Variants in MAP6 observed in about 807,000 individuals in gnomAD.
MAP6 encodes the protein microtubule-associated protein 6.
In MAP6, 26 loss-of-function variants were observed where a neutral mutation model predicts 42.4. The observed-to-expected ratio is 0.61, with a 90% confidence interval of 0.45 to 0.85. The LOEUF (loss-of-function observed/expected upper bound fraction) is 0.85. MAP6 is among the 40% of genes least tolerant of loss of function. The probability of loss-of-function intolerance (pLI) is 0.00; values close to 1 mark genes in which losing one functional copy is unlikely to be tolerated. For missense variants in MAP6, 966 were observed against 1,099.0 expected (o/e 0.88, Z 1.71); for synonymous variants, 418 against 443.8 (o/e 0.94, Z 0.73).
chr11:75,638,576 C>G (rs1037704502), intron 1 of MAP6: 5 of 152,090 alleles, frequency 3.3e-5, no homozygotes, highest in Non-Finnish European at 7.4e-5. Flanking sequence ...ATGCTCTTTT[C>G]AAAAATATCT....
intron 1 of MAP6, among the ~76,000 whole-genome samples, chr11:75,658,317 C>A (rs1012636610): frequency 2.1e-4 from 32 of 152,124 alleles, no homozygotes; most frequent in African/African-American, 7.5e-4. Context: ...CCGAACATCT[C>A]CATGTAGACC....
In MAP6 at chr11:75,639,094, A is replaced by G. The variant is rs117850462; in HGVS notation, c.905+28371T>C. Among the ~76,000 whole-genome samples the G allele has an allele frequency of 6.9e-4, 105 of 152,322 alleles. 1 individual carries two copies. The East Asian group carries it at 0.018, about 26-fold the overall frequency. ...CTCACTTGTAAGTGGGAGCTAAATA[A>G]TGTGTACACATGGACACAGAGAGTG... On this transcript the variant is annotated intron_variant, in intron 1 of 3. Coordinates refer to ENST00000304771, the MANE Select transcript of MAP6 (RefSeq NM_033063.2).
rs779429473 is a variant in MAP6, at chr11:75,587,433, G to A, written c.2068C>T (p.His690Tyr). The A allele has an allele frequency of 6.2e-7, 1 of 1,613,988 alleles. No homozygotes were observed. Among genetic ancestry groups the A allele is most frequent in the African/African-American group, 1.3e-5 (1 of 74,904 alleles). The change falls in exon 4 of 4, where the codon CAT becomes TAT. Residue 690 changes from histidine (H) to tyrosine (Y), a missense_variant. Around this residue, in one of 2 missense-constraint regions of MAP6, gnomAD observed 943 missense variants for 1,049.9 expected, o/e 0.90. Coordinates refer to ENST00000304771, the MANE Select transcript of MAP6 (RefSeq NM_033063.2). ...VKDQDVVVPE[H>Y]AKVHDSAVVA... ...ACTGCAGAATCGTGAACCTTTGCAT[G>A]CTCTGGGACTACAACATCTTGATCC...
chr11:75,603,921 A>G, intron 3 of MAP6: 3 of 985,608 alleles, frequency 3.0e-6, no homozygotes, highest in Non-Finnish European at 3.6e-6. Flanking sequence ...GAGACTGAAC[A>G]TACATTGGCA....
chr11:75,612,802 A>G (rs1271526170), intron 1 of MAP6, among the ~76,000 whole-genome samples: 3 of 152,206 alleles, frequency 2.0e-5, no homozygotes, highest in Non-Finnish European at 2.9e-5. Flanking sequence ...GGCCCAGCTC[A>G]GGGTTCTCCT....
At chr11:75,653,133 C>T (rs1250776667) in intron 1 of MAP6, among the ~76,000 whole-genome samples, 1 of 152,144 alleles carries the variant, frequency 6.6e-6, no homozygotes, top group African/African-American at 2.4e-5. Flanking sequence ...CATCAGGAAG[C>T]TCTGAGAAGA....
intron 1 of MAP6, among the ~76,000 whole-genome samples, chr11:75,665,438 G>A (rs1054748420): frequency 1.3e-5 from 2 of 152,188 alleles, no homozygotes; most frequent in African/African-American, 4.8e-5. Context: ...TAAGAATCTG[G>A]AATCTCTCTT....
chr11:75,647,766 G>A (rs1036671801), intron 1 of MAP6, among the ~76,000 whole-genome samples: 2 of 152,108 alleles, frequency 1.3e-5, no homozygotes, highest in African/African-American at 2.4e-5. Flanking sequence ...GAGGCCAATC[G>A]AAATCCCAAC....
At chr11:75,606,039 C>T (rs567111230) in intron 2 of MAP6, 35 bp from the exon 3 acceptor site, 2 of 1,603,596 alleles carry the variant, frequency 1.2e-6, no homozygotes, top group Non-Finnish European at 1.7e-6. Context: ...TACAGAAACA[C>T]AAAAAGGTGG....
At chr11:75,590,900 G>C (rs1438307892) in intron 3 of MAP6, among the ~76,000 whole-genome samples, 1 of 152,076 alleles carries the variant, frequency 6.6e-6, no homozygotes. Flanking sequence ...CCAGGAGGTG[G>C]AGGTGGCAGT....
chr11:75,624,365 C>A (rs977303761), intron 1 of MAP6, among the ~76,000 whole-genome samples: 1 of 152,196 alleles, frequency 6.6e-6, no homozygotes, highest in Non-Finnish European at 1.5e-5. Context: ...GGCTGCACCA[C>A]TTCCTTAATT....
chr11:75,667,353 G>C lies in MAP6; in HGVS notation c.905+112C>G, dbSNP rs1943965008. 4 of 1,028,524 alleles carry C rather than the reference G, an allele frequency of 3.9e-6. No homozygotes were observed. Among genetic ancestry groups the C allele is most frequent in the Non-Finnish European group, 5.2e-6 (4 of 762,100 alleles). The allele number at this position is 1,028,524 out of a possible 1,614,324, so 63.7% of individuals were successfully genotyped here. A position where few individuals can be genotyped will look rare whatever the true frequency, so the allele number is the denominator to read the frequency against. On this transcript the variant is annotated intron_variant, in intron 1 of 3. Transcript: ENST00000304771. This position sits in a 1 kb window ranked among gnomAD's most constrained non-coding sequence, Gnocchi z 5.6. ...GCGGCTGGGGAGAGGGTGTGGCCTGGGACTGGAGGGAGGCTGCACGCTAGG... is the reference window on the plus strand; with the variant it reads ...GCGGCTGGGGAGAGGGTGTGGCCTGCGACTGGAGGGAGGCTGCACGCTAGG...
intron 3 of MAP6, among the ~76,000 whole-genome samples, chr11:75,598,726 C>T (rs1942622041): frequency 6.6e-6 from 1 of 152,222 alleles, no homozygotes; most frequent in African/African-American, 2.4e-5. Context: ...AAGACACTGT[C>T]TATGGTAGGC....
intron 1 of MAP6, among the ~76,000 whole-genome samples, chr11:75,634,430 C>A (rs1421048035): frequency 6.6e-6 from 1 of 152,184 alleles, no homozygotes; most frequent in African/African-American, 2.4e-5. Flanking sequence ...GCATGTGCCA[C>A]CACATCCAGC....
At chr11:75,598,369 G>C (rs1942616994) in intron 3 of MAP6, among the ~76,000 whole-genome samples, 3 of 152,178 alleles carry the variant, frequency 2.0e-5, no homozygotes, top group Non-Finnish European at 4.4e-5. Flanking sequence ...TGTCACCCTA[G>C]AGTTAGGAGC....
chr11:75,607,992 T>G, intron 2 of MAP6, 117 bp downstream of exon 2: 1 of 931,050 alleles, frequency 1.1e-6, no homozygotes, highest in South Asian at 1.6e-5. Context: ...GAAGCAGGGA[T>G]TTTAAAGGTG....
At chr11:75,664,641 T>A (rs1051696580) in intron 1 of MAP6, among the ~76,000 whole-genome samples, 6 of 152,350 alleles carry the variant, frequency 3.9e-5, no homozygotes, top group Non-Finnish European at 5.9e-5. Context: ...CTAAGCCTTC[T>A]AAGGCAACAT....
chr11:75,648,670 T>C (rs1943601007), intron 1 of MAP6, among the ~76,000 whole-genome samples: 1 of 152,108 alleles, frequency 6.6e-6, no homozygotes, highest in South Asian at 2.1e-4. Context: ...TGACGAAAGA[T>C]ACTATAAACA....
chr11:75,613,320 C>A (rs1942937767), intron 1 of MAP6, among the ~76,000 whole-genome samples: 1 of 152,082 alleles, frequency 6.6e-6, no homozygotes, highest in African/African-American at 2.4e-5. Context: ...AAAGCTCACA[C>A]CTGGGGATGG....
Sources: allele counts gnomAD v4.1 joint callset (sites outside exome capture counted in the v4.1 genomes callset), GRCh38; gene constraint gnomAD v4.1.1; regional missense constraint gnomAD v4.1.1; non-coding constraint Gnocchi (gnomAD v3.1); transcripts MANE v1.5; gene names NCBI Gene and HGNC (gene_info 2026-07-23, HGNC 2026-07-21).